The following EYS variants were observed in gnomAD, a reference collection of about 807,000 sequenced individuals.
The protein encoded by EYS is protein eyes shut homolog.
A neutral mutation model predicts 282.1 loss-of-function variants in EYS; 250 were observed. That is an observed-to-expected ratio of 0.89 (90% CI 0.80 to 0.98). EYS has a LOEUF of 0.98. Ranked by LOEUF, EYS falls within the 50% of genes least tolerant of loss-of-function variation. The pLI is 0.00. For missense variants in EYS, 4,016 were observed against 3,709.0 expected (o/e 1.08, Z -2.15); for synonymous variants, 1,355 against 1,282.9 (o/e 1.06, Z -1.20).
At chr6:63,813,954 AAATAC>A (rs1771114095) in intron 36 of EYS, among the ~76,000 whole-genome samples, 1 of 152,222 alleles carries the variant, frequency 6.6e-6, no homozygotes, top group Admixed American at 6.5e-5. Context: ...AAATTTGCAA[AAATAC>A]AAGATGATTG....
chr6:65,569,052 C>A (rs911555346), intron 2 of EYS, among the ~76,000 whole-genome samples: 1 of 152,120 alleles, frequency 6.6e-6, no homozygotes, highest in East Asian at 1.9e-4. Flanking sequence ...ACCATCATAT[C>A]CCCAGTGACC....
At chr6:64,527,272 AT>A (rs1164752204) in intron 26 of EYS, among the ~76,000 whole-genome samples, 1 of 151,822 alleles carries the variant, frequency 6.6e-6, no homozygotes, top group Non-Finnish European at 1.5e-5. Context: ...CCTGTTTTAA[AT>A]AACAACCAAA....
chr6:65,628,487 G>T (rs993282597), intron 2 of EYS, among the ~76,000 whole-genome samples: 1 of 152,114 alleles, frequency 6.6e-6, no homozygotes, highest in African/African-American at 2.4e-5. Context: ...CAGTGTGGAA[G>T]CTTTGTTCTT....
intron 26 of EYS, among the ~76,000 whole-genome samples, chr6:64,509,086 G>T (rs1388172085): frequency 1.3e-5 from 2 of 151,846 alleles, no homozygotes; most frequent in Non-Finnish European, 2.9e-5. Context: ...TTTGAAAGAA[G>T]AAAAATGTTA....
chr6:65,491,296 C>CACACACAA, intron 4 of EYS: 1 of 255,636 alleles, frequency 3.9e-6, no homozygotes, highest in South Asian at 4.6e-5. Context: ...CACACACACA[C>CACACACAA]ACACACACAC....
intron 12 of EYS, among the ~76,000 whole-genome samples, chr6:65,218,424 G>T (rs998795394): frequency 6.6e-6 from 1 of 152,034 alleles, no homozygotes; most frequent in African/African-American, 2.4e-5. Context: ...GTAAGAATGT[G>T]TTTTTTGAAT....
At chr6:64,620,302 G>A (rs550896950) in intron 23 of EYS, among the ~76,000 whole-genome samples, 21 of 152,276 alleles carry the variant, frequency 1.4e-4, no homozygotes, top group Non-Finnish European at 2.6e-4. Flanking sequence ...CCAGGCAGCT[G>A]CCGTTTCAAT....
At chr6:64,460,710 T>C (rs1316432579) in intron 26 of EYS, among the ~76,000 whole-genome samples, 6 of 152,244 alleles carry the variant, frequency 3.9e-5, no homozygotes, top group Non-Finnish European at 8.8e-5. Flanking sequence ...TTTGAAATCA[T>C]CAGCTTTAAT....
chr6:63,728,425 T>A lies in EYS; in HGVS notation c.8072-1745A>T, dbSNP rs571149624. ...AGGTATTTTTAAAAGTACACTTTAT[T>A]TTTTCAGAGCCATTTTAGGTTCACT... On this transcript the variant is annotated intron_variant, in intron 41 of 42. Transcript: ENST00000503581. Among the ~76,000 whole-genome samples, 77 of 152,314 alleles carry A rather than the reference T, an allele frequency of 5.1e-4. 2 individuals are homozygous for A. The highest frequency in any genetic ancestry group is 1.8e-3 in the African/African-American group (76 of 41,562).
At chr6:64,964,758 G>A (rs932731124) in intron 14 of EYS, among the ~76,000 whole-genome samples, 2 of 152,114 alleles carry the variant, frequency 1.3e-5, no homozygotes, top group Non-Finnish European at 2.9e-5. Flanking sequence ...TAGGCTGGGT[G>A]CAGTTGCTCA....
In EYS at chr6:64,591,522, G is replaced by C; in HGVS notation, c.4345C>G (p.Leu1449Val). Residue 1449 changes from leucine to valine, a missense_variant, in exon 26 of 43, where the codon CTG becomes GTG. Coordinates refer to ENST00000503581, the MANE Select transcript of EYS (RefSeq NM_001142800.2). ...GCACTTATGGAGGCAGCTATAAGCA[G>C]GAATCCACGGGAGAGTAATGACTGC... ...NRQSLLSRGF[L>V]LIAASISATP... The C allele has an allele frequency of 6.4e-7, 1 of 1,551,294 alleles. No homozygotes were observed. Among genetic ancestry groups the C allele is most frequent in the Non-Finnish European group, 8.7e-7 (1 of 1,146,746 alleles).
chr6:63,825,369 G>A (rs1173377244), intron 36 of EYS, among the ~76,000 whole-genome samples: 4 of 152,086 alleles, frequency 2.6e-5, no homozygotes, highest in African/African-American at 4.8e-5. Context: ...CTAGGGCCCC[G>A]CCCACTGCCC....
intron 26 of EYS, among the ~76,000 whole-genome samples, chr6:64,454,498 A>T (rs1321644204): frequency 1.3e-5 from 2 of 152,168 alleles, no homozygotes; most frequent in Admixed American, 6.6e-5. Context: ...TTGACCCTTG[A>T]ACAACATGAG....
chr6:65,438,851 T>C (rs1768190710), intron 5 of EYS, among the ~76,000 whole-genome samples: 4 of 152,178 alleles, frequency 2.6e-5, no homozygotes, highest in Non-Finnish European at 5.9e-5. Flanking sequence ...AGAAGCTCTT[T>C]AGTTTAATTA....
At chr6:65,004,948 A>G (rs1254446002) in intron 13 of EYS, among the ~76,000 whole-genome samples, 1 of 148,174 alleles carries the variant, frequency 6.7e-6, no homozygotes, top group Non-Finnish European at 1.5e-5. Context: ...TTCTTGTTCA[A>G]CAATGTTCTC....
chr6:63,908,482 G>A (rs895328710), intron 35 of EYS, among the ~76,000 whole-genome samples: 9 of 151,908 alleles, frequency 5.9e-5, no homozygotes, highest in East Asian at 5.8e-4. Context: ...ATGGAGTCTC[G>A]TTCTATTGCC....
At chr6:64,891,484 G>C (rs376896459) in intron 18 of EYS, among the ~76,000 whole-genome samples, 1 of 151,902 alleles carries the variant, frequency 6.6e-6, no homozygotes, top group Admixed American at 6.6e-5. Context: ...TGCACTTAAC[G>C]TTGGCCCTTC....
intron 35 of EYS, among the ~76,000 whole-genome samples, chr6:63,937,453 T>C (rs1765103213): frequency 7.3e-6 from 1 of 136,280 alleles, no homozygotes; most frequent in Non-Finnish European, 1.5e-5. Context: ...CGATCTCGGC[T>C]CACTACAATC....
At chr6:65,353,969 C>A (rs1000170365) in intron 8 of EYS, among the ~76,000 whole-genome samples, 1 of 151,976 alleles carries the variant, frequency 6.6e-6, no homozygotes, top group Non-Finnish European at 1.5e-5. Flanking sequence ...ACACTTATAA[C>A]GGTTGAATTA....
Sources: gnomAD v4.1 joint callset for allele counts (sites outside exome capture counted in the v4.1 genomes callset) on GRCh38, gnomAD v4.1.1 for gene constraint, MANE v1.5 for transcripts, NCBI Gene and HGNC (gene_info 2026-07-23, HGNC 2026-07-21) for gene names.